The following MUC13 variants were observed in gnomAD, a reference collection of about 807,000 sequenced individuals.
MUC13 encodes mucin 13, cell surface associated.
Under a neutral mutation model 48.3 loss-of-function variants are expected in MUC13, and 32 were observed. The ratio of observed to expected loss-of-function variants is 0.66; its 90% confidence interval spans 0.50 to 0.89. The LOEUF (loss-of-function observed/expected upper bound fraction) is 0.89. MUC13 is among the 40% of genes least tolerant of loss of function. MUC13 has a pLI of 0.00. For synonymous variants in MUC13, 199 were observed against 224.9 expected (o/e 0.88, Z 1.03); for missense variants, 571 against 622.8 (o/e 0.92, Z 0.88).
At chr3:124,917,283 G>T (rs933657924) in intron 5 of MUC13, among the ~76,000 whole-genome samples, 2 of 152,010 alleles carry the variant, frequency 1.3e-5, no homozygotes, top group African/African-American at 4.8e-5. Context: ...CTGATTTGTC[G>T]CTCTGTGCTT....
intron 1 of MUC13, 139 bp from the exon 2 acceptor site, chr3:124,928,132 T>C (rs923227776): frequency 5.8e-5 from 39 of 668,008 alleles, no homozygotes; most frequent in Non-Finnish European, 8.4e-5. Flanking sequence ...CCTAGATTGG[T>C]CATAAACCCC....
chr3:124,910,568 GTGTATT>G, intron 9 of MUC13, 69 bp from the exon 10 acceptor site: 1 of 1,589,240 alleles, frequency 6.3e-7, no homozygotes, highest in Non-Finnish European at 8.6e-7. Flanking sequence ...GCACAGGTTC[GTGTATT>G]CCCAGGGACT....
intron 4 of MUC13, among the ~76,000 whole-genome samples, chr3:124,921,968 G>A (rs1935602421): frequency 6.6e-6 from 1 of 152,242 alleles, no homozygotes; most frequent in Non-Finnish European, 1.5e-5. Flanking sequence ...GCAAGACCAT[G>A]GGGTGGTCCA....
At chr3:124,913,809 G>T in intron 6 of MUC13, 128 bp from the exon 7 acceptor site, 1 of 969,408 alleles carries the variant, frequency 1.0e-6, no homozygotes, top group Non-Finnish European at 1.6e-6. Context: ...AAGTGCAGTG[G>T]CTCACAACTG....
intron 1 of MUC13, among the ~76,000 whole-genome samples, chr3:124,930,155 T>TA (rs1268217259): frequency 3.3e-5 from 5 of 152,240 alleles, no homozygotes; most frequent in Non-Finnish European, 5.9e-5. Flanking sequence ...TAGATGTGCA[T>TA]AAAACAAATT....
At chr3:124,928,852 T>C (rs1310121330) in intron 1 of MUC13, among the ~76,000 whole-genome samples, 1 of 152,224 alleles carries the variant, frequency 6.6e-6, no homozygotes, top group East Asian at 1.9e-4. Flanking sequence ...TTTGTCTTTC[T>C]GCACTTTAAG....
At chr3:124,934,625 T>A in intron 1 of MUC13, 36 bp downstream of exon 1, 1 of 1,466,534 alleles carries the variant, frequency 6.8e-7, no homozygotes, top group Non-Finnish European at 9.6e-7. Flanking sequence ...ACAACATACA[T>A]GATTGGAAGA....
Position 124,908,235 on chromosome 3 carries a change from A to G in MUC13, c.1451T>C (p.Phe484Ser). The change falls in exon 11 of 12, where the codon TTT (phenylalanine) becomes TCT (serine). Residue 484 changes from phenylalanine (F) to serine (S), a missense_variant. By Grantham distance (155) the Phe-to-Ser change is radical. Coordinates refer to ENST00000616727, the MANE Select transcript of MUC13 (RefSeq NM_033049.4). The part of the protein sequence containing the change: ...FTNLGAEGSV[F>S]PKVRITASRD... Reference sequence around the variant, plus strand: ...GGAGGCCGTTATCCTGACCTTAGGAAAGACGCTCCCTTCTGCTCCAAGATT... The same window carrying G: ...GGAGGCCGTTATCCTGACCTTAGGAGAGACGCTCCCTTCTGCTCCAAGATT... The G allele has an allele frequency of 6.2e-7, 1 of 1,614,172 alleles. No homozygotes were observed. Among genetic ancestry groups the G allele is most frequent in the Non-Finnish European group, 8.5e-7 (1 of 1,180,032 alleles).
In MUC13 at chr3:124,922,196, C is replaced by A. The variant is rs879078076; in HGVS notation, c.744+1G>T. Reference sequence around the variant, plus strand: ...AGAAAGGAAAGTTGGAAAATACTTACCAAGCTAGTAATTTCACTATGCAAG... The same window carrying A: ...AGAAAGGAAAGTTGGAAAATACTTAACAAGCTAGTAATTTCACTATGCAAG... On this transcript the variant is annotated splice_donor_variant, in intron 4 of 11. Coordinates refer to ENST00000616727, the MANE Select transcript of MUC13 (RefSeq NM_033049.4). LOFTEE classifies it high-confidence loss of function. The A allele has an allele frequency of 6.2e-7, 1 of 1,613,820 alleles. No homozygotes were observed. Among genetic ancestry groups the A allele is most frequent in the Non-Finnish European group, 8.5e-7 (1 of 1,179,916 alleles).
chr3:124,908,193 T>A lies in MUC13; in HGVS notation c.1493A>T (p.Gln498Leu). 1 of 1,614,180 alleles carries A rather than the reference T, an allele frequency of 6.2e-7. No individual in the cohort carries two copies. Among genetic ancestry groups the A allele is most frequent in the Non-Finnish European group, 8.5e-7 (1 of 1,180,048 alleles). ...RITASRDSQM[Q>L]NPYSRHSSMP... ...GCTGCTGTGTCTTGAATAGGGATTTTGCATCTGGCTGTCTCTGGAGGCCGT... is the reference window on the plus strand; with the variant it reads ...GCTGCTGTGTCTTGAATAGGGATTTAGCATCTGGCTGTCTCTGGAGGCCGT... The change falls in exon 11 of 12, where the codon CAA (glutamine) becomes CTA (leucine). Residue 498 changes from glutamine to leucine, a missense_variant. Physicochemically the swap from Gln to Leu is moderately radical, Grantham distance 113 (BLOSUM62 -2). Transcript: ENST00000616727.
intron 1 of MUC13, among the ~76,000 whole-genome samples, chr3:124,928,506 A>AT (rs1176995226): frequency 8.5e-5 from 13 of 152,058 alleles, no homozygotes; most frequent in Non-Finnish European, 1.6e-4. Flanking sequence ...AGCCTCCCAA[A>AT]TAGCTAGGAC....
At chr3:124,912,915 G>T (rs187468433) in intron 8 of MUC13, among the ~76,000 whole-genome samples, 196 bp downstream of exon 8, 178 of 133,720 alleles carry the variant, frequency 1.3e-3, no homozygotes, top group African/African-American at 4.6e-3. Context: ...TAGCCTGGGG[G>T]ACAGAGTGAG....
chr3:124,928,045 T>C (rs1446241288), intron 1 of MUC13, 52 bp from the exon 2 acceptor site: 1 of 1,253,948 alleles, frequency 8.0e-7, no homozygotes, highest in East Asian at 2.3e-5. Flanking sequence ...GAATAACTAA[T>C]GGCAGTTACT....
chr3:124,925,192 T>C (rs950925844), intron 2 of MUC13, among the ~76,000 whole-genome samples: 1 of 152,196 alleles, frequency 6.6e-6, no homozygotes, highest in Non-Finnish European at 1.5e-5. Context: ...AGGAAATGCA[T>C]GCTACTATGT....
Position 124,908,359 on chromosome 3 carries a change from T to A in MUC13, c.1338-11A>T. ...GTTTTGTTATTTGATCTGTAATCAGTAAGAGGAATTAGGATTTGACAATGG... is the reference window on the plus strand; with the variant it reads ...GTTTTGTTATTTGATCTGTAATCAGAAAGAGGAATTAGGATTTGACAATGG... On this transcript the variant is annotated splice_polypyrimidine_tract_variant and intron_variant, in intron 10 of 11. Transcript: ENST00000616727. 6.2e-7 allele frequency: 1 copy of A among 1,608,432 alleles called. No homozygotes were observed. The highest frequency in any genetic ancestry group is 8.5e-7 in the Non-Finnish European group (1 of 1,175,010).
chr3:124,916,614 A>G, intron 5 of MUC13, 134 bp from the exon 6 acceptor site: 2 of 885,260 alleles, frequency 2.3e-6, no homozygotes, highest in South Asian at 3.1e-5. Context: ...GGACCCACAT[A>G]TGGAGGCCGG....
intron 1 of MUC13, among the ~76,000 whole-genome samples, chr3:124,933,169 A>G (rs1261372281): frequency 1.3e-5 from 2 of 152,080 alleles, no homozygotes; most frequent in African/African-American, 2.4e-5. Flanking sequence ...AGCTCTCAAA[A>G]AACTCTAATC....
At chr3:124,924,487 A>G (rs1252452506) in intron 2 of MUC13, among the ~76,000 whole-genome samples, 1 of 152,204 alleles carries the variant, frequency 6.6e-6, no homozygotes, top group African/African-American at 2.4e-5. Context: ...TAACCTTCAG[A>G]GCTGTCTTGA....
intron 11 of MUC13, 82 bp downstream of exon 11, chr3:124,908,065 G>T (rs1935347517): frequency 7.4e-7 from 1 of 1,351,042 alleles, no homozygotes; most frequent in East Asian, 2.3e-5. Flanking sequence ...GGCAGCCAAG[G>T]ATTGAAGATT....
Sources: allele counts gnomAD v4.1 joint callset (sites outside exome capture counted in the v4.1 genomes callset), GRCh38; gene constraint gnomAD v4.1.1; transcripts MANE v1.5; gene names NCBI Gene and HGNC (gene_info 2026-07-23, HGNC 2026-07-21).